LRRIQ1: variants seen among roughly 807,000 people sequenced by gnomAD.
LRRIQ1 encodes leucine rich repeats and IQ motif containing 1.
In LRRIQ1, 210 loss-of-function variants were observed where a neutral mutation model predicts 211.9. That is an observed-to-expected ratio of 0.99 (90% CI 0.89 to 1.11). The LOEUF is 1.11. Among genes scored for constraint, LRRIQ1 ranks in the 50% most tolerant of loss-of-function variants. The pLI is 0.00. For missense variants in LRRIQ1, 2,136 were observed against 1,939.5 expected (o/e 1.10, Z -1.90); for synonymous variants, 699 against 650.1 (o/e 1.08, Z -1.14).
chr12:85,076,895 C>T (rs1282129616), intron 11 of LRRIQ1, among the ~76,000 whole-genome samples: 3 of 151,864 alleles, frequency 2.0e-5, no homozygotes, highest in Non-Finnish European at 2.9e-5. Context: ...CCAGTCTAGG[C>T]TGCTTAGTTT....
intron 24 of LRRIQ1, among the ~76,000 whole-genome samples, chr12:85,200,488 G>C (rs548689808): frequency 6.6e-6 from 1 of 152,068 alleles, no homozygotes; most frequent in Admixed American, 6.6e-5. Flanking sequence ...ATGACTTCCA[G>C]TACTATGTTA....
chr12:85,073,608 A>G (rs1488804745), intron 11 of LRRIQ1, among the ~76,000 whole-genome samples: 2 of 152,096 alleles, frequency 1.3e-5, no homozygotes, highest in Non-Finnish European at 2.9e-5. Context: ...ATTTCCTGGC[A>G]TAGGATATCA....
At chr12:85,041,179 TA>T (rs1197560573) in intron 3 of LRRIQ1, among the ~76,000 whole-genome samples, 3 of 151,742 alleles carry the variant, frequency 2.0e-5, no homozygotes, top group Non-Finnish European at 4.4e-5. Flanking sequence ...CATGATATGT[TA>T]AAAGCTATTT....
chr12:85,100,948 G>C (rs1886303544), intron 13 of LRRIQ1, among the ~76,000 whole-genome samples: 1 of 151,690 alleles, frequency 6.6e-6, no homozygotes, highest in African/African-American at 2.4e-5. Context: ...TATTAGGTTT[G>C]ATAAAACCAA....
chr12:85,116,461 T>A (rs190495519), intron 15 of LRRIQ1, among the ~76,000 whole-genome samples: 2 of 152,236 alleles, frequency 1.3e-5, no homozygotes, highest in East Asian at 1.9e-4. Flanking sequence ...TATTCTTTAG[T>A]GTGCATAAAG....
At chr12:85,252,987 G>GT (rs1333090697) in intron 1 of LRRIQ1, among the ~76,000 whole-genome samples, 2 of 151,756 alleles carry the variant, frequency 1.3e-5, no homozygotes, top group African/African-American at 2.4e-5. Context: ...AAATGATACA[G>GT]TTTTTTTAAA....
chr12:85,068,987 C>T (rs989068119), intron 10 of LRRIQ1, among the ~76,000 whole-genome samples: 9 of 151,030 alleles, frequency 6.0e-5, no homozygotes, highest in Admixed American at 6.6e-5. Flanking sequence ...ATGTGCACAA[C>T]GTGCAGGTTT....
At chr12:85,255,871 A>T (rs1896075344) in intron 1 of LRRIQ1, among the ~76,000 whole-genome samples, 2 of 151,808 alleles carry the variant, frequency 1.3e-5, no homozygotes, top group Non-Finnish European at 1.5e-5. Flanking sequence ...TAGACCTAGA[A>T]GATGAAAATT....
rs908353830 is a variant in LRRIQ1 at position 85,144,698 on chromosome 12, C to T, written c.4329+6729C>T. On this transcript the variant is annotated intron_variant, in intron 19 of 26. Coordinates refer to ENST00000393217, the MANE Select transcript of LRRIQ1 (RefSeq NM_001079910.2). Reference sequence around the variant, plus strand: ...ACAAAAGTAGCCAGGGATCAGTCCACATTAGGCCTAGGATATGATGTCAAG... The same window carrying T: ...ACAAAAGTAGCCAGGGATCAGTCCATATTAGGCCTAGGATATGATGTCAAG... Among the ~76,000 whole-genome samples, 4 of 151,560 alleles carry T rather than the reference C, an allele frequency of 2.6e-5. No individual in the cohort carries two copies. The East Asian group carries it at 7.8e-4, about 29-fold the overall frequency.
In LRRIQ1 at chr12:85,153,776, C is replaced by A; in HGVS notation, c.4637+18C>A. On this transcript the variant is annotated intron_variant, in intron 22 of 26. Transcript: ENST00000393217. ...GAAGAATGGTATGTAGTCAATTTGA[C>A]ACTAATAAATTAAAAAATTGAGAGA... 7.1e-7 allele frequency: 1 copy of A among 1,418,204 alleles called. No individual in the cohort carries two copies. Among genetic ancestry groups the A allele is most frequent in the Non-Finnish European group, 9.6e-7 (1 of 1,046,276 alleles). 87.9% of individuals were successfully genotyped at this position (1,418,204 alleles called of 1,614,324 possible).
chr12:85,072,819 T>C, intron 10 of LRRIQ1, 88 bp from the exon 11 acceptor site: 1 of 822,154 alleles, frequency 1.2e-6, no homozygotes, highest in Non-Finnish European at 1.8e-6. Context: ...TTGCTCCAGG[T>C]TTAAATTTTT....
At position 85,145,005 on chromosome 12, in the gene LRRIQ1, G is replaced by A. The variant is rs188115730; in HGVS notation, c.4329+7036G>A. 5.4e-3 allele frequency among the ~76,000 whole-genome samples: 809 copies of A among 150,490 alleles called. 7 individuals carry two copies. The highest frequency in any genetic ancestry group is 6.1e-3 in the Non-Finnish European group (412 of 67,436). ...TTTCTGTATACAAAACTTACCTGAC[G>A]AGGATTTCCCTTTTTTCACTGATTT... is the stretch of plus-strand genomic sequence containing the variant. On this transcript the variant is annotated intron_variant, in intron 19 of 26. Transcript: ENST00000393217.
At chr12:85,059,695 G>T (rs1881556434) in intron 8 of LRRIQ1, among the ~76,000 whole-genome samples, 1 of 151,916 alleles carries the variant, frequency 6.6e-6, no homozygotes. Flanking sequence ...GTGGGGGGAT[G>T]AATCAATTGA....
chr12:85,227,234 T>C (rs1272367321), intron 24 of LRRIQ1, among the ~76,000 whole-genome samples: 11 of 152,216 alleles, frequency 7.2e-5, no homozygotes, highest in Non-Finnish European at 1.5e-4. Flanking sequence ...ATCACCATTC[T>C]AACTGGTGTG....
chr12:85,040,434 C>A, intron 2 of LRRIQ1, 56 bp from the exon 3 acceptor site: 3 of 1,069,500 alleles, frequency 2.8e-6, no homozygotes, highest in Non-Finnish European at 2.7e-6. Flanking sequence ...CAAAATTTGA[C>A]ACATAATTTT....
intron 13 of LRRIQ1, among the ~76,000 whole-genome samples, chr12:85,103,691 A>G (rs1487866893): frequency 6.6e-6 from 1 of 151,760 alleles, no homozygotes; most frequent in African/African-American, 2.4e-5. Flanking sequence ...ACTTATTCTT[A>G]TTTAAATAGC....
rs182527222 is a variant in LRRIQ1, at chr12:85,099,107, C to A, written c.3209+113C>A. 1.2e-3 allele frequency: 703 copies of A among 583,378 alleles called. 4 individuals are homozygous for A. In the African/African-American group the frequency reaches 0.012, roughly 10 times the overall value. 36.1% of individuals were successfully genotyped at this position (583,378 alleles called of 1,614,324 possible). A position where few individuals can be genotyped will look rare whatever the true frequency, so the allele number is the denominator to read the frequency against. On this transcript the variant is annotated intron_variant, in intron 13 of 26. Coordinates refer to ENST00000393217, the MANE Select transcript of LRRIQ1 (RefSeq NM_001079910.2). ...CTCTAATAATTCAATGAGATTGCAT[C>A]AAAATAAATTAGTATATAAATTATA...
chr12:85,128,955 G>A (rs762605752), intron 18 of LRRIQ1, among the ~76,000 whole-genome samples: 11 of 152,106 alleles, frequency 7.2e-5, no homozygotes, highest in East Asian at 1.9e-4. Flanking sequence ...CTTAGATCTC[G>A]TCTGGGGCTT....
At chr12:85,152,964 C>T in intron 20 of LRRIQ1, 60 bp from the exon 21 acceptor site, 1 of 1,285,416 alleles carries the variant, frequency 7.8e-7, no homozygotes, top group Non-Finnish European at 1.1e-6. Flanking sequence ...TAAAATAATA[C>T]AACATAAATG....
Sources: gnomAD v4.1 joint callset for allele counts (sites outside exome capture counted in the v4.1 genomes callset) on GRCh38, gnomAD v4.1.1 for gene constraint, MANE v1.5 for transcripts, NCBI Gene and HGNC (gene_info 2026-07-23, HGNC 2026-07-21) for gene names.